STARD13: variants seen among roughly 807,000 people sequenced by gnomAD.
STARD13 encodes stAR-related lipid transfer protein 13.
In STARD13, 62 loss-of-function variants were observed where a neutral mutation model predicts 106.4. That is an observed-to-expected ratio of 0.58 (90% CI 0.48 to 0.72). The LOEUF (loss-of-function observed/expected upper bound fraction) is 0.72. Ranked by LOEUF, STARD13 falls within the 30% of genes least tolerant of loss-of-function variation. The probability of loss-of-function intolerance (pLI) is 0.00; values close to 1 mark genes in which losing one functional copy is unlikely to be tolerated. For synonymous variants in STARD13, 565 were observed against 553.0 expected (o/e 1.02, Z -0.31); for missense variants, 1,387 against 1,424.0 (o/e 0.97, Z 0.42).
At chr13:33,431,090 C>A in the STARD13 span, among the ~76,000 whole-genome samples, 1 of 152,128 alleles carries the variant, frequency 6.6e-6, no homozygotes, top group Non-Finnish European at 1.5e-5. Flanking sequence ...AGCATAGAGA[C>A]AAGACACATA....
At chr13:33,291,306 TG>T (rs1181863746) in intron 1 of STARD13, among the ~76,000 whole-genome samples, 9 of 152,254 alleles carry the variant, frequency 5.9e-5, no homozygotes, top group Non-Finnish European at 1.2e-4. Context: ...CTTGTAAGAA[TG>T]TTTTTGTGTA....
At chr13:33,319,047 A>G (rs1303452227) in intron 1 of STARD13, among the ~76,000 whole-genome samples, 1 of 152,230 alleles carries the variant, frequency 6.6e-6, no homozygotes, top group Non-Finnish European at 1.5e-5. Context: ...CCACTCATAG[A>G]TCTACACCCA....
At chr13:33,619,234 C>T in the STARD13 span, among the ~76,000 whole-genome samples, 5 of 152,252 alleles carry the variant, frequency 3.3e-5, no homozygotes, top group East Asian at 5.8e-4. Flanking sequence ...AACAAAGAAC[C>T]AAACCGAGCT....
chr13:33,457,178 A>G, the STARD13 span, among the ~76,000 whole-genome samples: 2 of 152,236 alleles, frequency 1.3e-5, no homozygotes, highest in Non-Finnish European at 2.9e-5. Context: ...AAAATCCAAC[A>G]TACAGAAAAT....
chr13:33,385,849 TCAAAAAAAAAAAAA>T, the STARD13 span, among the ~76,000 whole-genome samples: 3 of 91,032 alleles, frequency 3.3e-5, no homozygotes, highest in Non-Finnish European at 6.2e-5. Flanking sequence ...AGACTCTGTC[TCAAAAAAAAAAAAA>T]CAAAAAAAAA....
chr13:33,604,441 T>A, the STARD13 span, among the ~76,000 whole-genome samples: 1 of 152,102 alleles, frequency 6.6e-6, no homozygotes, highest in Non-Finnish European at 1.5e-5. Flanking sequence ...AACAAATATT[T>A]TATCAATAGC....
At chr13:33,109,838 G>A in intron 12 of STARD13, 35 bp downstream of exon 12, 1 of 1,605,580 alleles carries the variant, frequency 6.2e-7, no homozygotes. Context: ...CCTGCCTTTG[G>A]AACAGAACAT....
chr13:33,612,473 T>C, the STARD13 span, among the ~76,000 whole-genome samples: 2 of 152,108 alleles, frequency 1.3e-5, no homozygotes, highest in African/African-American at 2.4e-5. Flanking sequence ...ACACTCAAGA[T>C]GGGAAAGAAA....
chr13:33,190,296 A>G (rs1886148516), intron 1 of STARD13, among the ~76,000 whole-genome samples: 1 of 152,066 alleles, frequency 6.6e-6, no homozygotes, highest in South Asian at 2.1e-4. Flanking sequence ...TTTAGCCCGG[A>G]TGTGGCTTCA....
chr13:33,534,922 AT>A, the STARD13 span, among the ~76,000 whole-genome samples: 1 of 152,238 alleles, frequency 6.6e-6, no homozygotes, highest in African/African-American at 2.4e-5. Context: ...TCTGGACATA[AT>A]AAAAGGAGAA....
chr13:33,427,496 C>T, the STARD13 span, among the ~76,000 whole-genome samples: 2 of 152,270 alleles, frequency 1.3e-5, no homozygotes, highest in Middle Eastern at 3.4e-3. Context: ...CCAGTTTTCA[C>T]GAGCCATGCC....
upstream of STARD13, among the ~76,000 whole-genome samples, chr13:33,353,278 C>T (rs1040186499): frequency 6.6e-6 from 1 of 152,208 alleles, no homozygotes; most frequent in Non-Finnish European, 1.5e-5. Context: ...TCTGGGCTTC[C>T]TCCCTTCCTC....
the STARD13 span, among the ~76,000 whole-genome samples, chr13:33,511,020 CTGA>C: frequency 2.0e-5 from 3 of 151,870 alleles, no homozygotes; most frequent in Admixed American, 6.6e-5. Context: ...TGTTTAAAAG[CTGA>C]TGTTGGCCAG....
At chr13:33,251,517 G>A (rs1250398920) in intron 1 of STARD13, among the ~76,000 whole-genome samples, 1 of 152,204 alleles carries the variant, frequency 6.6e-6, no homozygotes, top group East Asian at 1.9e-4. Context: ...CCACTAATTT[G>A]CAGAGCTTTT....
the STARD13 span, among the ~76,000 whole-genome samples, chr13:33,641,045 A>C: frequency 6.6e-6 from 1 of 152,230 alleles, no homozygotes; most frequent in Non-Finnish European, 1.5e-5. Context: ...AGCCATGTAG[A>C]AATAGGACTA....
intron 1 of STARD13, among the ~76,000 whole-genome samples, chr13:33,169,974 A>T (rs755290667): frequency 6.6e-6 from 1 of 152,114 alleles, no homozygotes; most frequent in Non-Finnish European, 1.5e-5. Flanking sequence ...ATGGACATAG[A>T]GATTAGAAGG....
chr13:33,230,444 A>C (rs1234443794), intron 1 of STARD13, among the ~76,000 whole-genome samples: 1 of 152,246 alleles, frequency 6.6e-6, no homozygotes. Flanking sequence ...ACTGCCTCCA[A>C]CATTACTTTG....
the STARD13 span, among the ~76,000 whole-genome samples, chr13:33,578,384 A>G: frequency 3.9e-5 from 6 of 152,162 alleles, no homozygotes; most frequent in East Asian, 9.6e-4. Context: ...CATAAGAGCA[A>G]ATAAATTAGG....
At chr13:33,286,895 T>C (rs1372151246), upstream of STARD13, among the ~76,000 whole-genome samples, 1 of 151,970 alleles carries the variant, frequency 6.6e-6, no homozygotes, top group Non-Finnish European at 1.5e-5. Flanking sequence ...TATATATGTG[T>C]ATATATGTGT....
Sources: allele counts gnomAD v4.1 joint callset (sites outside exome capture counted in the v4.1 genomes callset), GRCh38; gene constraint gnomAD v4.1.1; transcripts MANE v1.5; gene names NCBI Gene and HGNC (gene_info 2026-07-23, HGNC 2026-07-21).